The following STK36 variants were observed in gnomAD, a reference collection of about 807,000 sequenced individuals.
The protein encoded by STK36 is serine/threonine kinase 36, also known as serine/threonine-protein kinase 36.
A neutral mutation model predicts 142.2 loss-of-function variants in STK36; 116 were observed. That is an observed-to-expected ratio of 0.82 (90% CI 0.70 to 0.95). STK36 has a LOEUF of 0.95. Among genes scored for constraint, STK36 ranks in the 40% least tolerant of loss-of-function variants. STK36 has a pLI of 0.00. For missense variants in STK36, 1,422 were observed against 1,617.2 expected (o/e 0.88, Z 2.07); for synonymous variants, 619 against 641.7 (o/e 0.96, Z 0.53).
intron 7 of STK36, 52 bp downstream of exon 7, chr2:218,679,313 A>T (rs1412589694): frequency 1.6e-5 from 25 of 1,542,618 alleles, no homozygotes; most frequent in Non-Finnish European, 2.0e-5. Context: ...CTTCCTCTAA[A>T]CTACTTCCCT....
In STK36 at chr2:218,679,721, A is replaced by C. The variant is rs772828240; in HGVS notation, c.940A>C (p.Met314Leu). 6.2e-7 allele frequency: 1 copy of C among 1,614,248 alleles called. No individual in the cohort carries two copies. Among genetic ancestry groups the C allele is most frequent in the South Asian group, 1.1e-5 (1 of 91,088 alleles). Reference sequence around the variant, plus strand: ...CTATAAACGCATGGCTGAGGAGGCCATGCAGAAGGTGTGTGGGGCAGAGGA... The same window carrying C: ...CTATAAACGCATGGCTGAGGAGGCCCTGCAGAAGGTGTGTGGGGCAGAGGA... ...QAYKRMAEEA[M>L]QKKHQNTGPA... Residue 314 changes from methionine to leucine, a missense_variant, in exon 8 of 27, where the codon ATG becomes CTG. This residue lies in a region of STK36 where 460 missense variants were observed against 449.6 expected (regional missense o/e 1.02). Coordinates refer to ENST00000295709, the MANE Select transcript of STK36 (RefSeq NM_015690.5).
At chr2:218,679,320 C>G in intron 7 of STK36, 59 bp downstream of exon 7, 1 of 1,509,390 alleles carries the variant, frequency 6.6e-7, no homozygotes, top group Non-Finnish European at 9.2e-7. Flanking sequence ...TAAACTACTT[C>G]CCTTTCACTT....
chr2:218,679,335 G>A (rs1267457839), intron 7 of STK36, 74 bp downstream of exon 7: 37 of 1,452,230 alleles, frequency 2.5e-5, no homozygotes, highest in Non-Finnish European at 3.2e-5. Context: ...TCACTTCCCC[G>A]ACCATCTAGA....
At chr2:218,689,593 T>G (rs1421496884) in intron 12 of STK36, among the ~76,000 whole-genome samples, 2 of 152,148 alleles carry the variant, frequency 1.3e-5, no homozygotes, top group Non-Finnish European at 2.9e-5. Flanking sequence ...TTTAAGGAAT[T>G]TAGAGAAAAA....
chr2:218,681,898 AC>A (rs1265889081), intron 10 of STK36, among the ~76,000 whole-genome samples: 26 of 152,330 alleles, frequency 1.7e-4, no homozygotes, highest in Admixed American at 1.7e-3. Flanking sequence ...AGAGGACAGA[AC>A]ATTCAAACCA....
chr2:218,701,382 C>T (rs939016784), intron 26 of STK36, among the ~76,000 whole-genome samples: 8 of 151,984 alleles, frequency 5.3e-5, no homozygotes, highest in South Asian at 2.1e-4. Flanking sequence ...CCTCGTGACC[C>T]GCCCGCCTTG....
chr2:218,693,875 A>G lies in STK36; in HGVS notation c.2248-20A>G, dbSNP rs1490239663. On this transcript the variant is annotated intron_variant, in intron 18 of 26. Coordinates refer to ENST00000295709, the MANE Select transcript of STK36 (RefSeq NM_015690.5). ...TGTCTCAGCCAGAGGTTGTTCTGATATCTTAGGTTTCCTTTGTAGGTAAAA... is the reference window on the plus strand; with the variant it reads ...TGTCTCAGCCAGAGGTTGTTCTGATGTCTTAGGTTTCCTTTGTAGGTAAAA... 1.2e-6 allele frequency: 2 copies of G among 1,614,210 alleles called. No individual in the cohort carries two copies. Among genetic ancestry groups the G allele is most frequent in the Admixed American group, 3.3e-5 (2 of 60,026 alleles).
In STK36 at chr2:218,692,491, C is replaced by T. The variant is rs972922809; in HGVS notation, c.1916-92C>T. On this transcript the variant is annotated intron_variant, in intron 15 of 26. Transcript: ENST00000295709. ...GCATTCTTCCCACTCCCTTAGGTTC[C>T]CTACTCCTGCTGCCATGTCGGTGAG... The T allele has an allele frequency of 4.3e-5, 65 of 1,526,332 alleles. No homozygotes were observed. In the Admixed American group the frequency reaches 1.2e-3, roughly 28 times the overall value. 94.5% of individuals were successfully genotyped at this position (1,526,332 alleles called of 1,614,324 possible). A position where few individuals can be genotyped will look rare whatever the true frequency, so the allele number is the denominator to read the frequency against.
At position 218,698,835 on chromosome 2, in the gene STK36, G is replaced by A. The variant is rs985900414; in HGVS notation, c.3291G>A (p.Leu1097=). 1 of 1,614,210 alleles carries A rather than the reference G, an allele frequency of 6.2e-7. No individual in the cohort carries two copies. Among genetic ancestry groups the A allele is most frequent in the Non-Finnish European group, 8.5e-7 (1 of 1,180,038 alleles). The change falls in exon 26 of 27, where the codon TTG becomes TTA. Residue 1097 remains leucine, a synonymous_variant. Coordinates refer to ENST00000295709, the MANE Select transcript of STK36 (RefSeq NM_015690.5). ...HTARVLSPSH[L]SFIQELLAGS... The stretch of plus-strand genomic sequence containing the variant: ...CCAGGGTCCTGTCTCCCAGCCACTT[G>A]TCCTTTATCCAAGAGCTTCTGGCTG...
chr2:218,701,952 C>G lies in STK36; in HGVS notation c.3891C>G (p.Ala1297=). The change falls in exon 27 of 27, where the codon GCC becomes GCG. Residue 1297 remains alanine (A), a synonymous_variant. Transcript: ENST00000295709. ...TGCCACACAGCAGTCCTAGGCCTGCCTCTGCCAAACACTGCAGGAAACTCA... is the reference window on the plus strand; with the variant it reads ...TGCCACACAGCAGTCCTAGGCCTGCGTCTGCCAAACACTGCAGGAAACTCA... ...QSLPHSSPRP[A]SAKHCRKLIH... is the part of the protein sequence containing the mutation. The G allele has an allele frequency of 6.2e-7, 1 of 1,614,192 alleles. No individual in the cohort carries two copies. Among genetic ancestry groups the G allele is most frequent in the Non-Finnish European group, 8.5e-7 (1 of 1,180,030 alleles).
At chr2:218,684,533 G>A (rs1434275405) in intron 10 of STK36, among the ~76,000 whole-genome samples, 3 of 136,574 alleles carry the variant, frequency 2.2e-5, no homozygotes, top group African/African-American at 8.3e-5. Context: ...CAATTCTCCT[G>A]TGTCAGCCTC....
chr2:218,679,616 C>G lies in STK36; in HGVS notation c.835C>G (p.Pro279Ala). ...GACCCCATTCACCAGCCGCCTACCC[C>G]CAGAACTTCAGGTCCTAAAGGACGA... ...LGTPFTSRLP[P>A]ELQVLKDEQA... The change falls in exon 8 of 27, where the codon CCA becomes GCA. Residue 279 changes from proline (P) to alanine (A), a missense_variant. By Grantham distance (27) the Pro-to-Ala change is conservative (BLOSUM62 -1). Coordinates refer to ENST00000295709, the MANE Select transcript of STK36 (RefSeq NM_015690.5). 2 of 1,614,186 alleles carry G rather than the reference C, an allele frequency of 1.2e-6. No homozygotes were observed. Among genetic ancestry groups the G allele is most frequent in the South Asian group, 1.1e-5 (1 of 91,078 alleles).
intron 12 of STK36, among the ~76,000 whole-genome samples, chr2:218,689,218 A>G (rs952279506): frequency 6.6e-6 from 1 of 152,208 alleles, no homozygotes; most frequent in African/African-American, 2.4e-5. Flanking sequence ...CAGATCTTCT[A>G]GTTTTCTAAG....
intron 6 of STK36, among the ~76,000 whole-genome samples, chr2:218,678,352 A>T (rs186573828): frequency 6.6e-6 from 1 of 152,142 alleles, no homozygotes; most frequent in Non-Finnish European, 1.5e-5. Context: ...TTTATCTGAG[A>T]TGAAAAGGGA....
At chr2:218,682,817 T>C (rs910079691) in intron 10 of STK36, among the ~76,000 whole-genome samples, 7 of 152,160 alleles carry the variant, frequency 4.6e-5, no homozygotes, top group South Asian at 2.1e-4. Context: ...GGTCTTGAAC[T>C]CCTGGACTCA....
Position 218,697,420 on chromosome 2 carries a change from C to T in STK36, c.2762-43C>T, listed in dbSNP as rs45481394. On this transcript the variant is annotated intron_variant, in intron 23 of 26. Coordinates refer to ENST00000295709, the MANE Select transcript of STK36 (RefSeq NM_015690.5). ...CTGTGGGGAAGCAGGGGTATCTGGGCGTCTTGCCTGTTCCATTGGGTCTCC... is the reference window on the plus strand; with the variant it reads ...CTGTGGGGAAGCAGGGGTATCTGGGTGTCTTGCCTGTTCCATTGGGTCTCC... 9.6e-3 allele frequency: 15,446 copies of T among 1,605,400 alleles called. 106 individuals are homozygous for T. The highest frequency in any genetic ancestry group is 0.011 in the Non-Finnish European group (13,369 of 1,176,256).
chr2:218,672,608 G>A (rs999727568), intron 1 of STK36, 133 bp from the exon 2 acceptor site: 27 of 510,028 alleles, frequency 5.3e-5, no homozygotes, highest in Non-Finnish European at 9.2e-5. Flanking sequence ...GAACTACAAA[G>A]AGAAGCTCTG....
In STK36 at chr2:218,697,390, G is replaced by A. The variant is rs1165125159; in HGVS notation, c.2762-73G>A. Reference sequence around the variant, plus strand: ...GAAGGGACTGAATAGGTGTAGCCCTGGGAGCTGTGGGGAAGCAGGGGTATC... The same window carrying A: ...GAAGGGACTGAATAGGTGTAGCCCTAGGAGCTGTGGGGAAGCAGGGGTATC... On this transcript the variant is annotated intron_variant, in intron 23 of 26. Transcript: ENST00000295709. The A allele has an allele frequency of 1.9e-6, 3 of 1,581,108 alleles. No homozygotes were observed. In the African/African-American group the frequency reaches 4.0e-5, roughly 21 times the overall value.
intron 10 of STK36, among the ~76,000 whole-genome samples, chr2:218,682,290 C>CCT (rs370035342): frequency 1.3e-5 from 2 of 151,102 alleles, no homozygotes; most frequent in South Asian, 2.1e-4. Flanking sequence ...GCTTTACCAT[C>CCT]CTCTCTCTCT....
Sources: gnomAD v4.1 joint callset for allele counts (sites outside exome capture counted in the v4.1 genomes callset) on GRCh38, gnomAD v4.1.1 for gene constraint, gnomAD v4.1.1 regional missense constraint, MANE v1.5 for transcripts, NCBI Gene and HGNC (gene_info 2026-07-23, HGNC 2026-07-21) for gene names.